Variants in SGCG observed in about 807,000 individuals in gnomAD.
SGCG encodes the protein sarcoglycan gamma.
In SGCG, 26 loss-of-function variants were observed where a neutral mutation model predicts 29.3. The observed-to-expected ratio is 0.89, with a 90% CI of 0.65 to 1.23. SGCG has a LOEUF of 1.23. Among genes scored for constraint, SGCG ranks in the 50% most tolerant of loss-of-function variants. SGCG has a pLI of 0.00. For synonymous variants in SGCG, 145 were observed against 129.7 expected (o/e 1.12, Z -0.80); for missense variants, 353 against 356.0 (o/e 0.99, Z 0.07).
At chr13:23,200,879 G>T (rs796288087) in intron 1 of SGCG, among the ~76,000 whole-genome samples, 3 of 152,302 alleles carry the variant, frequency 2.0e-5, no homozygotes, top group African/African-American at 7.2e-5. Flanking sequence ...TCCTGGCCGA[G>T]TAAGACCACT....
At chr13:23,252,707 A>AACAAT (rs1880021142) in intron 4 of SGCG, among the ~76,000 whole-genome samples, 1 of 104,034 alleles carries the variant, frequency 9.6e-6, no homozygotes, top group South Asian at 3.0e-4. Flanking sequence ...AACAAAACAA[A>AACAAT]ACAAACAAAC....
chr13:23,322,535 C>T (rs1347074900), intron 7 of SGCG, among the ~76,000 whole-genome samples: 1 of 152,188 alleles, frequency 6.6e-6, no homozygotes, highest in African/African-American at 2.4e-5. Context: ...CACTCCCAGA[C>T]TCCTTAGCTC....
rs189665437 is a variant in SGCG at position 23,232,557 on chromosome 13, C to T, written c.196-2054C>T. ...TAAGACAGTGGGAGGCTGAAGTGAGCGGATCATGAGGTCAGGAGATCAAGA... is the reference window on the plus strand; with the variant it reads ...TAAGACAGTGGGAGGCTGAAGTGAGTGGATCATGAGGTCAGGAGATCAAGA... On this transcript the variant is annotated intron_variant, in intron 2 of 7. Coordinates refer to ENST00000218867, the MANE Select transcript of SGCG (RefSeq NM_000231.3). Among the ~76,000 whole-genome samples, 226 of 152,194 alleles carry T rather than the reference C, an allele frequency of 1.5e-3. 1 individual carries two copies. The highest frequency in any genetic ancestry group is 3.4e-3 in the Middle Eastern group (1 of 294).
intron 3 of SGCG, among the ~76,000 whole-genome samples, chr13:23,236,006 A>G (rs533212288): frequency 2.0e-5 from 3 of 152,356 alleles, no homozygotes; most frequent in African/African-American, 7.2e-5. Flanking sequence ...TGAAAAGTAC[A>G]TAAGTAGTTT....
At chr13:23,249,995 T>C (rs1303566954) in intron 3 of SGCG, among the ~76,000 whole-genome samples, 1 of 152,240 alleles carries the variant, frequency 6.6e-6, no homozygotes, top group Non-Finnish European at 1.5e-5. Context: ...TCAAAACTAT[T>C]GTTTACTGAT....
rs549374068 is a variant in SGCG, at chr13:23,202,779, TAAAAATAAATGTGTGACTTTTGCACA to T, written c.1-909_1-884del. Among the ~76,000 whole-genome samples the T allele has an allele frequency of 2.2e-4, 33 of 152,238 alleles. No homozygotes were observed. In the East Asian group the frequency reaches 6.4e-3, roughly 30 times the overall value. On this transcript the variant is annotated intron_variant, in intron 1 of 7. Coordinates refer to ENST00000218867, the MANE Select transcript of SGCG (RefSeq NM_000231.3). ...AATAAGGACAACTCCAAATCACCCC[TAAAAATAAATGTGTGACTTTTGCACA>T]AAAAATCCCAGAGAAGAGTATTTAT...
chr13:23,247,904 A>G (rs972004111), intron 3 of SGCG, among the ~76,000 whole-genome samples: 7 of 150,306 alleles, frequency 4.7e-5, no homozygotes, highest in African/African-American at 1.7e-4. Context: ...TGAACTGTAT[A>G]CTCACACCAC....
At chr13:23,162,538 A>C in the SGCG span, among the ~76,000 whole-genome samples, 2 of 152,200 alleles carry the variant, frequency 1.3e-5, no homozygotes, top group African/African-American at 4.8e-5. Context: ...AGGCAGAAGA[A>C]TGGCGTGAAC....
At chr13:23,195,398 A>G (rs1363887447) in intron 1 of SGCG, among the ~76,000 whole-genome samples, 2 of 151,876 alleles carry the variant, frequency 1.3e-5, no homozygotes, top group Non-Finnish European at 2.9e-5. Context: ...TCAAAACAAG[A>G]CCAGTTTTAT....
At chr13:23,238,716 C>T (rs1456196803) in intron 3 of SGCG, among the ~76,000 whole-genome samples, 2 of 152,102 alleles carry the variant, frequency 1.3e-5, no homozygotes, top group East Asian at 3.8e-4. Context: ...TCGAGGAAAG[C>T]ATAATCATGT....
At chr13:23,209,190 G>A (rs1416934959) in intron 2 of SGCG, among the ~76,000 whole-genome samples, 1 of 152,088 alleles carries the variant, frequency 6.6e-6, no homozygotes, top group African/African-American at 2.4e-5. Context: ...ATACTTCGTT[G>A]ATAAGTATTG....
At chr13:23,305,756 G>A (rs1306720114) in intron 6 of SGCG, among the ~76,000 whole-genome samples, 1 of 152,162 alleles carries the variant, frequency 6.6e-6, no homozygotes, top group African/African-American at 2.4e-5. Flanking sequence ...AGTCATGTAT[G>A]TCTCTTAGAT....
chr13:23,200,836 G>A (rs1877716168), intron 1 of SGCG, among the ~76,000 whole-genome samples: 1 of 152,136 alleles, frequency 6.6e-6, no homozygotes, highest in Admixed American at 6.5e-5. Context: ...TTATAACTGT[G>A]GAGTCCCTGA....
intron 2 of SGCG, among the ~76,000 whole-genome samples, chr13:23,225,289 T>C (rs1391929789): frequency 2.0e-5 from 3 of 152,180 alleles, no homozygotes; most frequent in Non-Finnish European, 4.4e-5. Flanking sequence ...TGAAACATTA[T>C]TTTGTATTAT....
chr13:23,269,877 T>G (rs1593209237), intron 4 of SGCG, among the ~76,000 whole-genome samples: 2 of 103,948 alleles, frequency 1.9e-5, no homozygotes, highest in Non-Finnish European at 4.8e-5. Context: ...TTTTTTTGTT[T>G]TTTTTGTTTT....
chr13:23,232,119 GA>G (rs11333704), intron 2 of SGCG, among the ~76,000 whole-genome samples: 31,601 of 131,192 alleles, frequency 0.24, 3,676 homozygotes, highest in East Asian at 0.48. Context: ...ATTCCATAAA[GA>G]AAAAAAAAAA....
chr13:23,255,519 G>T (rs1416528076), intron 4 of SGCG, among the ~76,000 whole-genome samples: 1 of 152,158 alleles, frequency 6.6e-6, no homozygotes, highest in Non-Finnish European at 1.5e-5. Flanking sequence ...GGGGGAGCAA[G>T]GGAAGAGTGA....
At chr13:23,258,257 C>T (rs1880277086) in intron 4 of SGCG, among the ~76,000 whole-genome samples, 1 of 152,042 alleles carries the variant, frequency 6.6e-6, no homozygotes, top group African/African-American at 2.4e-5. Flanking sequence ...TGAAGAGGTC[C>T]TTCACATCCC....
At chr13:23,315,507 G>T (rs2137518285) in intron 6 of SGCG, among the ~76,000 whole-genome samples, 1 of 152,284 alleles carries the variant, frequency 6.6e-6, no homozygotes, top group South Asian at 2.1e-4. Flanking sequence ...CCTATGATCA[G>T]TTGAGAGAGG....
Sources: gnomAD v4.1 joint callset for allele counts (sites outside exome capture counted in the v4.1 genomes callset) on GRCh38, gnomAD v4.1.1 for gene constraint, MANE v1.5 for transcripts, NCBI Gene and HGNC (gene_info 2026-07-23, HGNC 2026-07-21) for gene names.